Variants in FMNL2 observed in about 807,000 individuals in gnomAD.
FMNL2 encodes formin-like protein 2.
Under a neutral mutation model 130.2 loss-of-function variants are expected in FMNL2, and 51 were observed. The ratio of observed to expected loss-of-function variants is 0.39; its 90% confidence interval spans 0.31 to 0.49. FMNL2 has a LOEUF of 0.49. Among genes scored for constraint, FMNL2 ranks in the 20% least tolerant of loss-of-function variants. The pLI is 0.85. For synonymous variants in FMNL2, 465 were observed against 467.1 expected (o/e 1.00, Z 0.06); for missense variants, 977 against 1,316.2 (o/e 0.74, Z 3.99).
rs1697137616 is a variant in FMNL2 at position 152,587,281 on chromosome 2, T to A, written c.876+6232T>A. ...AGTGAGGCCCTGAGCCCAACCCGGA[T>A]GCAAGGGGAAGGCAATGGCTTCTCT... On this transcript the variant is annotated intron_variant, in intron 9 of 25. Transcript: ENST00000288670. Among the ~76,000 whole-genome samples the A allele has an allele frequency of 5.9e-5, 9 of 152,196 alleles. No homozygotes were observed. The South Asian group carries it at 1.9e-3, about 31-fold the overall frequency.
chr2:152,542,934 C>A, intron 3 of FMNL2, 115 bp downstream of exon 3: 1 of 1,115,580 alleles, frequency 9.0e-7, no homozygotes, highest in South Asian at 1.4e-5. Context: ...AGAGCCTCCA[C>A]AAAAAACAAC....
At chr2:152,389,105 A>AT (rs34284075) in intron 1 of FMNL2, among the ~76,000 whole-genome samples, 10,049 of 150,536 alleles carry the variant, frequency 0.067, 562 homozygotes, top group Admixed American at 0.2. Flanking sequence ...TGAAAGGAGC[A>AT]TTTTTTTTTT....
At chr2:152,546,524 A>G (rs1331762210) in intron 3 of FMNL2, among the ~76,000 whole-genome samples, 1 of 151,998 alleles carries the variant, frequency 6.6e-6, no homozygotes, top group African/African-American at 2.4e-5. Context: ...CACTAGGCCC[A>G]CCTCCAACAT....
At chr2:152,629,547 T>C (rs536154148) in intron 18 of FMNL2, 109 bp from the exon 19 acceptor site, 122 of 939,488 alleles carry the variant, frequency 1.3e-4, no homozygotes, top group Admixed American at 2.4e-5. Flanking sequence ...GAAGCCTGTA[T>C]GCTCTAAATG....
chr2:152,418,674 G>C (rs1392219049), intron 1 of FMNL2, among the ~76,000 whole-genome samples: 1 of 152,142 alleles, frequency 6.6e-6, no homozygotes, highest in Non-Finnish European at 1.5e-5. Context: ...CCATTGCATG[G>C]ATAGAAACCT....
intron 1 of FMNL2, among the ~76,000 whole-genome samples, chr2:152,373,268 G>A (rs957598909): frequency 6.6e-6 from 1 of 152,008 alleles, no homozygotes; most frequent in Non-Finnish European, 1.5e-5. Context: ...GTTTTTTTGG[G>A]CATTTAATGG....
intron 13 of FMNL2, among the ~76,000 whole-genome samples, chr2:152,617,805 C>T (rs1699035925): frequency 6.6e-6 from 1 of 152,170 alleles, no homozygotes; most frequent in African/African-American, 2.4e-5. Flanking sequence ...CATAAGAACA[C>T]CAAAATGCCT....
intron 1 of FMNL2, among the ~76,000 whole-genome samples, chr2:152,397,732 T>C (rs1685477829): frequency 6.6e-6 from 1 of 152,142 alleles, no homozygotes; most frequent in Admixed American, 6.5e-5. Flanking sequence ...CAGGGTCAGG[T>C]CTTTCAAGAT....
chr2:152,388,898 T>G (rs1420661037), intron 1 of FMNL2, among the ~76,000 whole-genome samples: 1 of 152,196 alleles, frequency 6.6e-6, no homozygotes, highest in African/African-American at 2.4e-5. Context: ...CATGACTGTT[T>G]AAATGAAAGC....
chr2:152,342,284 C>T (rs1579432117), intron 1 of FMNL2, among the ~76,000 whole-genome samples: 1 of 152,176 alleles, frequency 6.6e-6, no homozygotes, highest in East Asian at 1.9e-4. Flanking sequence ...ACAAGAAGCA[C>T]TGATTATAGA....
intron 6 of FMNL2, among the ~76,000 whole-genome samples, chr2:152,571,910 CTT>C (rs1696189926): frequency 6.6e-6 from 1 of 150,452 alleles, no homozygotes; most frequent in African/African-American, 2.4e-5. Flanking sequence ...TTTTTTCAAT[CTT>C]AAGTGAATCG....
intron 1 of FMNL2, among the ~76,000 whole-genome samples, chr2:152,412,092 T>C (rs13414887): frequency 0.13 from 20,139 of 152,064 alleles, 1,552 homozygotes; most frequent in East Asian, 0.19. Context: ...TGAATGCTGC[T>C]AACTGTAAGC....
In FMNL2 at chr2:152,530,794, G is replaced by C. The variant is rs556886270; in HGVS notation, c.201+8768G>C. 1.6e-4 allele frequency among the ~76,000 whole-genome samples: 24 copies of C among 152,270 alleles called. 1 individual carries two copies. The East Asian group carries it at 4.6e-3, about 29-fold the overall frequency. On this transcript the variant is annotated intron_variant, in intron 2 of 25. Coordinates refer to ENST00000288670, the MANE Select transcript of FMNL2 (RefSeq NM_052905.4). ...TTTCTAAAGTCATTGAGGAAATTGA[G>C]GTGTCTACAGTCTTTATCCCTGCTG...
At chr2:152,545,314 A>AG (rs1156801748) in intron 3 of FMNL2, among the ~76,000 whole-genome samples, 1 of 152,204 alleles carries the variant, frequency 6.6e-6, no homozygotes, top group Non-Finnish European at 1.5e-5. Context: ...TCAGCCAGAC[A>AG]GTCTAGGTTG....
chr2:152,452,543 C>T (rs991112026), intron 1 of FMNL2, among the ~76,000 whole-genome samples: 2 of 152,120 alleles, frequency 1.3e-5, no homozygotes, highest in South Asian at 2.1e-4. Context: ...CTCCTCCCCC[C>T]CCTAGTTTTC....
chr2:152,624,983 C>T (rs989727256), intron 15 of FMNL2, among the ~76,000 whole-genome samples: 12 of 152,194 alleles, frequency 7.9e-5, no homozygotes, highest in Non-Finnish European at 7.3e-5. Context: ...TGTCTGCAGT[C>T]CCTGATCATC....
At chr2:152,628,633 A>C in intron 18 of FMNL2, 100 bp downstream of exon 18, 1 of 986,498 alleles carries the variant, frequency 1.0e-6, no homozygotes, top group Admixed American at 2.3e-5. Flanking sequence ...GATGGGTTCT[A>C]AAGACTCCTT....
At chr2:152,614,769 CA>C (rs1038708136) in intron 11 of FMNL2, 81 bp from the exon 12 acceptor site, 46 of 1,192,888 alleles carry the variant, frequency 3.9e-5, no homozygotes, top group Non-Finnish European at 4.9e-5. Flanking sequence ...AAACAAAAAA[CA>C]AAAAAGACAG....
chr2:152,365,121 A>G (rs1252102317), intron 1 of FMNL2, among the ~76,000 whole-genome samples: 2 of 152,226 alleles, frequency 1.3e-5, no homozygotes, highest in Non-Finnish European at 2.9e-5. Flanking sequence ...AGTTAATGCT[A>G]TAATAGGAAT....
Sources: allele counts gnomAD v4.1 joint callset (sites outside exome capture counted in the v4.1 genomes callset), GRCh38; gene constraint gnomAD v4.1.1; transcripts MANE v1.5; gene names NCBI Gene and HGNC (gene_info 2026-07-23, HGNC 2026-07-21).